MAP4: variants seen among roughly 807,000 people sequenced by gnomAD.
MAP4 encodes the protein microtubule associated protein 4.
MAP4 carries 76 observed loss-of-function variants against 170.2 expected under a neutral mutation model. The ratio of observed to expected loss-of-function variants is 0.45; its 90% CI spans 0.37 to 0.54. The LOEUF is 0.54. MAP4 is among the 20% of genes least tolerant of loss of function. The pLI, the probability that MAP4 is intolerant of heterozygous loss-of-function variation, is 0.00. For synonymous variants in MAP4, 909 were observed against 994.5 expected, an observed-to-expected ratio of 0.91 and a Z score of 1.62; for missense variants, 2,506 against 2,748.0, an observed-to-expected ratio of 0.91 and a Z score of 1.97.
At chr3:47,896,510 C>T (rs758850138) in intron 10 of MAP4, among the ~76,000 whole-genome samples, 1 of 152,118 alleles carries the variant, frequency 6.6e-6, no homozygotes, top group African/African-American at 2.4e-5. Context: ...GCCTGGGCAA[C>T]AAGAGCGAAA....
rs2042320832 is a variant in MAP4 at position 47,851,593 on chromosome 3, T to C, written c.*1341A>G. 6.6e-6 allele frequency: 1 copy of C among 152,234 alleles called. No homozygotes were observed. The highest frequency in any genetic ancestry group is 6.5e-5 in the Admixed American group (1 of 15,286). 9.4% of individuals were successfully genotyped at this position (152,234 alleles called of 1,614,324 possible). On this transcript the variant is annotated 3_prime_UTR_variant, in exon 21 of 21. Transcript: ENST00000683076. ...ATCCTTTATTAGAAACCATGCAAAC[T>C]TTAATACAAAAAATACAAGTGCAAT...
Position 47,852,823 on chromosome 3 carries a change from A to C in MAP4, c.*111T>G. On this transcript the variant is annotated 3_prime_UTR_variant, in exon 21 of 21. Coordinates refer to ENST00000683076, the MANE Select transcript of MAP4 (RefSeq NM_001385682.1). ...GACAGCCCGGGAAAGGGGGCCAAGG[A>C]CCCGGGAGCCCGAGTTGGGGCCGCC... The C allele has an allele frequency of 6.4e-7, 1 of 1,551,292 alleles. No individual in the cohort carries two copies.
chr3:47,879,752 T>TAGGG (rs2152565237), intron 10 of MAP4, among the ~76,000 whole-genome samples: 1 of 152,272 alleles, frequency 6.6e-6, no homozygotes, highest in East Asian at 1.9e-4. Flanking sequence ...TTACAATCAA[T>TAGGG]AGGGCTTCTT....
intron 3 of MAP4, among the ~76,000 whole-genome samples, chr3:47,975,682 G>A (rs1160149953): frequency 6.6e-6 from 1 of 152,150 alleles, no homozygotes; most frequent in Admixed American, 6.5e-5. Context: ...GCTCCAGGTA[G>A]TGATGGCCAA....
chr3:47,908,925 A>G (rs925918487), intron 9 of MAP4, 113 bp downstream of exon 9: 1 of 1,144,478 alleles, frequency 8.7e-7, no homozygotes, highest in Non-Finnish European at 1.2e-6. Flanking sequence ...CAACAAACCA[A>G]TGATTAACAA....
At chr3:48,080,003 T>C (rs2100145822) in intron 1 of MAP4, among the ~76,000 whole-genome samples, 1 of 151,278 alleles carries the variant, frequency 6.6e-6, no homozygotes, top group Admixed American at 6.6e-5. Flanking sequence ...CTTCTGACAA[T>C]AATAAAAGGC....
At chr3:47,999,332 C>T (rs2100097940) in intron 1 of MAP4, among the ~76,000 whole-genome samples, 1 of 152,118 alleles carries the variant, frequency 6.6e-6, no homozygotes, top group Non-Finnish European at 1.5e-5. Context: ...CCTGCTTCTT[C>T]ATGAATCACT....
Position 47,864,875 on chromosome 3 carries a change from G to A in MAP4, c.6501+2371C>T, listed in dbSNP as rs190759049. Among the ~76,000 whole-genome samples, 6 of 152,080 alleles carry A rather than the reference G, an allele frequency of 3.9e-5. No individual in the cohort carries two copies. The East Asian group carries it at 5.8e-4, about 15-fold the overall frequency. ...GAGCAAGACTTTTTTTTGTAGAGAC[G>A]GGGGTCTTACTATGGTGCCCAGCTG... On this transcript the variant is annotated intron_variant, in intron 17 of 20. Coordinates refer to ENST00000683076, the MANE Select transcript of MAP4 (RefSeq NM_001385682.1).
In MAP4 at chr3:48,053,678, C is replaced by T. The variant is rs181273997; in HGVS notation, c.-20+35095G>A. Reference sequence around the variant, plus strand: ...ATGAGATTCATGTGAAAATGTACGTCGTTTATTTGTACATGATCTGTCTCT... The same window carrying T: ...ATGAGATTCATGTGAAAATGTACGTTGTTTATTTGTACATGATCTGTCTCT... On this transcript the variant is annotated intron_variant, in intron 1 of 18. Transcript: ENST00000360240. 2.6e-5 allele frequency among the ~76,000 whole-genome samples: 4 copies of T among 152,126 alleles called. No individual in the cohort carries two copies. In the East Asian group the frequency reaches 5.8e-4, roughly 22 times the overall value.
chr3:48,050,206 G>A (rs896731750), intron 1 of MAP4, among the ~76,000 whole-genome samples: 2 of 149,378 alleles, frequency 1.3e-5, no homozygotes, highest in Non-Finnish European at 2.9e-5. Flanking sequence ...ATTGAAGTGA[G>A]CCGAGATGAC....
intron 10 of MAP4, among the ~76,000 whole-genome samples, chr3:47,886,187 C>T (rs2097561620): frequency 6.6e-6 from 1 of 152,234 alleles, no homozygotes; most frequent in Non-Finnish European, 1.5e-5. Flanking sequence ...CATGCAGTAA[C>T]TCGACCTATA....
At chr3:47,953,714 T>C (rs1226896050) in intron 3 of MAP4, among the ~76,000 whole-genome samples, 2 of 137,420 alleles carry the variant, frequency 1.5e-5, no homozygotes, top group African/African-American at 3.1e-5. Flanking sequence ...CACTCAGGCA[T>C]TGAGAAATCC....
intron 1 of MAP4, among the ~76,000 whole-genome samples, chr3:48,033,054 C>A (rs527326298): frequency 1.3e-5 from 2 of 152,290 alleles, no homozygotes; most frequent in South Asian, 4.1e-4. Context: ...TGAATCCAAC[C>A]TCCTTATTTT....
At chr3:47,891,486 G>T in intron 10 of MAP4, 1 of 1,517,416 alleles carries the variant, frequency 6.6e-7, no homozygotes, top group Non-Finnish European at 8.8e-7. Context: ...GGGCTACTAG[G>T]GGGAGGCAGC....
At chr3:48,086,991 A>C (rs1235912541) in intron 1 of MAP4, among the ~76,000 whole-genome samples, 1 of 152,166 alleles carries the variant, frequency 6.6e-6, no homozygotes, top group Non-Finnish European at 1.5e-5. Flanking sequence ...CCACTTAACT[A>C]TCTGTGTGAC....
intron 1 of MAP4, among the ~76,000 whole-genome samples, chr3:48,067,365 T>C (rs896864993): frequency 6.6e-6 from 1 of 152,158 alleles, no homozygotes; most frequent in Non-Finnish European, 1.5e-5. Flanking sequence ...TTTGGCGTGA[T>C]TGCGCCAAGC....
At chr3:47,905,148 CAT>C (rs1265140651) in intron 9 of MAP4, among the ~76,000 whole-genome samples, 1 of 152,148 alleles carries the variant, frequency 6.6e-6, no homozygotes, top group Non-Finnish European at 1.5e-5. Context: ...ACTAACAAAA[CAT>C]GTGAACACAT....
At chr3:48,055,100 A>G (rs572864319) in intron 1 of MAP4, among the ~76,000 whole-genome samples, 1 of 152,316 alleles carries the variant, frequency 6.6e-6, no homozygotes, top group East Asian at 1.9e-4. Context: ...GACCAGTAAC[A>G]AGATCAGCGG....
intron 1 of MAP4, among the ~76,000 whole-genome samples, chr3:48,010,986 C>G (rs1009980988): frequency 1.3e-5 from 2 of 152,126 alleles, no homozygotes; most frequent in Non-Finnish European, 2.9e-5. Flanking sequence ...ATAAACTCTC[C>G]TTTGGAGATA....
Sources: gnomAD v4.1 joint callset for allele counts (sites outside exome capture counted in the v4.1 genomes callset) on GRCh38, gnomAD v4.1.1 for gene constraint, MANE v1.5 for transcripts, NCBI Gene and HGNC (gene_info 2026-07-23, HGNC 2026-07-21) for gene names.